SLC8A1: variants seen among roughly 807,000 people sequenced by gnomAD.
SLC8A1 encodes the protein sodium/calcium exchanger 1.
SLC8A1 carries 18 observed loss-of-function variants against 68.3 expected under a neutral mutation model. The observed-to-expected ratio is 0.26, with a 90% CI of 0.18 to 0.39. The LOEUF (loss-of-function observed/expected upper bound fraction) is 0.39, where lower values mean the gene tolerates loss of function less well. Ranked by LOEUF, SLC8A1 falls within the 10% of genes least tolerant of loss-of-function variation. The pLI is 1.00. For missense variants in SLC8A1, 985 were observed against 1,156.7 expected (o/e 0.85, Z 2.15); for synonymous variants, 475 against 415.5 (o/e 1.14, Z -1.74).
intron 1 of SLC8A1, among the ~76,000 whole-genome samples, chr2:40,431,706 T>C (rs543075662): frequency 6.6e-6 from 1 of 152,114 alleles, no homozygotes; most frequent in Non-Finnish European, 1.5e-5. Flanking sequence ...CCTTATGTCC[T>C]GGAAAAAGTT....
At position 40,390,537 on chromosome 2, in the gene SLC8A1, A is replaced by G. The variant is rs56268005; in HGVS notation, c.1808+37936T>C. Among the ~76,000 whole-genome samples, 528 of 152,226 alleles carry G rather than the reference A, an allele frequency of 3.5e-3. 5 individuals carry two copies. Among genetic ancestry groups the G allele is most frequent in the African/African-American group, 0.012 (501 of 41,542 alleles). ...CAATTCTTGCATACCATCTAGGTCT[A>G]CTAAGTCATAAACTCTGAGGATGAA... is the stretch of plus-strand genomic sequence containing the variant. On this transcript the variant is annotated intron_variant, in intron 2 of 7. Transcript: ENST00000406785.
chr2:40,253,140 TATGTATATAC>T (rs2063222271), intron 2 of SLC8A1, among the ~76,000 whole-genome samples: 1 of 104,044 alleles, frequency 9.6e-6, no homozygotes, highest in Non-Finnish European at 1.8e-5. Context: ...TATATATGTA[TATGTATATAC>T]ATACATATAT....
chr2:40,215,643 C>CAAAAAAAAAAAAAAA (rs56191722), intron 2 of SLC8A1, among the ~76,000 whole-genome samples: 3 of 69,922 alleles, frequency 4.3e-5, no homozygotes, highest in African/African-American at 1.7e-4. Flanking sequence ...GACTCCGTCT[C>CAAAAAAAAAAAAAAA]AAAAAAAAAA....
intron 2 of SLC8A1, among the ~76,000 whole-genome samples, chr2:40,371,566 T>A (rs1361715436): frequency 6.6e-6 from 1 of 152,138 alleles, no homozygotes; most frequent in Non-Finnish European, 1.5e-5. Flanking sequence ...CCGAATAGGC[T>A]AATGAAGGTA....
intron 2 of SLC8A1, among the ~76,000 whole-genome samples, chr2:40,421,114 T>C (rs988134048): frequency 6.7e-6 from 1 of 149,648 alleles, no homozygotes; most frequent in Non-Finnish European, 1.5e-5. Flanking sequence ...ACTACCGCCA[T>C]CATCTCCAAC....
chr2:40,206,757 G>C (rs533839450), intron 2 of SLC8A1, among the ~76,000 whole-genome samples: 2 of 152,094 alleles, frequency 1.3e-5, no homozygotes, highest in East Asian at 3.9e-4. Context: ...GGGGTTTGAA[G>C]GAAGTGAAGA....
At chr2:40,405,866 G>C (rs910353797) in intron 2 of SLC8A1, among the ~76,000 whole-genome samples, 2 of 152,152 alleles carry the variant, frequency 1.3e-5, no homozygotes, top group African/African-American at 4.8e-5. Flanking sequence ...AATCAGGTTA[G>C]TAACTAACTG....
At chr2:40,401,979 C>T (rs562726391) in intron 2 of SLC8A1, among the ~76,000 whole-genome samples, 63 of 152,240 alleles carry the variant, frequency 4.1e-4, no homozygotes, top group African/African-American at 1.4e-3. Flanking sequence ...TTGTCAGAGG[C>T]ATTTGAAGCA....
At chr2:40,111,360 C>G (rs1188331388) in exon 8 of SLC8A1, 1 of 152,056 alleles carries the variant, frequency 6.6e-6, no homozygotes, top group African/African-American at 2.4e-5. Flanking sequence ...TGTGTTAAAC[C>G]AAAGGCTGGT....
At chr2:40,392,046 C>T (rs1024420543) in intron 2 of SLC8A1, among the ~76,000 whole-genome samples, 3 of 137,032 alleles carry the variant, frequency 2.2e-5, no homozygotes, top group African/African-American at 8.7e-5. Flanking sequence ...AACAAACAAA[C>T]AAACAAAATA....
intron 1 of SLC8A1, among the ~76,000 whole-genome samples, chr2:40,492,108 A>C (rs1326088675): frequency 6.6e-6 from 1 of 152,122 alleles, no homozygotes; most frequent in Non-Finnish European, 1.5e-5. Flanking sequence ...ACAAGGCTAC[A>C]GTAACCAAAA....
At chr2:40,451,185 G>T (rs901582686) in intron 1 of SLC8A1, among the ~76,000 whole-genome samples, 1 of 152,156 alleles carries the variant, frequency 6.6e-6, no homozygotes, top group Non-Finnish European at 1.5e-5. Flanking sequence ...AGCCAGCAAA[G>T]CTCCAGAGGC....
chr2:40,149,820 T>G (rs1199048129), intron 6 of SLC8A1, among the ~76,000 whole-genome samples: 1 of 152,116 alleles, frequency 6.6e-6, no homozygotes, highest in African/African-American at 2.4e-5. Context: ...CAGGAAAGCT[T>G]CAATCTTTGC....
rs945274909 is a variant in SLC8A1 at position 40,133,404 on chromosome 2, G to T, written c.2437+5997C>A. ...TATATACAAAATTGGGGGGGGGGGG[G>T]GTGGAAACCAAAACCATCTATTTCC... On this transcript the variant is annotated intron_variant, in intron 7 of 7. Coordinates refer to ENST00000406785, the Ensembl canonical transcript of SLC8A1. 1.0e-4 allele frequency among the ~76,000 whole-genome samples: 12 copies of T among 118,376 alleles called. 1 individual carries two copies. The highest frequency in any genetic ancestry group is 2.6e-4 in the South Asian group (1 of 3,864). 77.7% of individuals were successfully genotyped at this position (118,376 alleles called of 152,430 possible).
intron 2 of SLC8A1, among the ~76,000 whole-genome samples, chr2:40,262,293 A>G (rs533835262): frequency 6.6e-6 from 1 of 152,322 alleles, no homozygotes; most frequent in South Asian, 2.1e-4. Flanking sequence ...AATATTTATG[A>G]TAGCTTTTGG....
intron 2 of SLC8A1, among the ~76,000 whole-genome samples, chr2:40,404,807 C>T (rs778237001): frequency 4.0e-4 from 61 of 152,096 alleles, no homozygotes; most frequent in Non-Finnish European, 1.6e-4. Flanking sequence ...AAAAAGGCCC[C>T]CATTGCTGTT....
At chr2:40,433,523 T>A (rs1295988236) in intron 1 of SLC8A1, among the ~76,000 whole-genome samples, 1 of 152,176 alleles carries the variant, frequency 6.6e-6, no homozygotes, top group Non-Finnish European at 1.5e-5. Context: ...GCATTGCTGT[T>A]ATAAAATGCC....
At chr2:40,246,978 C>A (rs561319838) in intron 2 of SLC8A1, among the ~76,000 whole-genome samples, 1 of 152,080 alleles carries the variant, frequency 6.6e-6, no homozygotes, top group Non-Finnish European at 1.5e-5. Flanking sequence ...GCCTTGGATT[C>A]TTTCATCTTT....
chr2:40,312,903 T>G (rs1208566504), intron 2 of SLC8A1, among the ~76,000 whole-genome samples: 3 of 152,106 alleles, frequency 2.0e-5, no homozygotes, highest in African/African-American at 7.2e-5. Context: ...TATAATAAAC[T>G]GAACATAAAG....
Sources: gnomAD v4.1 joint callset for allele counts (sites outside exome capture counted in the v4.1 genomes callset) on GRCh38, gnomAD v4.1.1 for gene constraint, MANE v1.5 for transcripts, NCBI Gene and HGNC (gene_info 2026-07-23, HGNC 2026-07-21) for gene names.